The following CDC42BPA variants were observed in gnomAD, a reference collection of about 807,000 sequenced individuals.
The protein encoded by CDC42BPA is CDC42 binding protein kinase alpha, also known as serine/threonine-protein kinase MRCK alpha.
Under a neutral mutation model 223.5 loss-of-function variants are expected in CDC42BPA, and 80 were observed. That is an observed-to-expected ratio of 0.36 (90% CI 0.30 to 0.43). The LOEUF (loss-of-function observed/expected upper bound fraction) is 0.43. CDC42BPA is among the 20% of genes least tolerant of loss of function. CDC42BPA has a pLI of 1.00. For synonymous variants in CDC42BPA, 694 were observed against 718.6 expected (o/e 0.97, Z 0.55); for missense variants, 1,743 against 2,099.9 (o/e 0.83, Z 3.32).
At chr1:227,265,516 C>A (rs2148410446) in intron 1 of CDC42BPA, among the ~76,000 whole-genome samples, 1 of 152,102 alleles carries the variant, frequency 6.6e-6, no homozygotes. Flanking sequence ...GTAATCCTAG[C>A]TCCTCAGGAG....
intron 34 of CDC42BPA, among the ~76,000 whole-genome samples, chr1:227,006,181 T>C (rs374456925): frequency 2.0e-5 from 3 of 152,380 alleles, no homozygotes; most frequent in Middle Eastern, 3.4e-3. Flanking sequence ...CTGGATTTGA[T>C]TTCTTACAAT....
chr1:227,300,659 T>TG (rs946135507), intron 1 of CDC42BPA, among the ~76,000 whole-genome samples: 6 of 151,896 alleles, frequency 4.0e-5, no homozygotes, highest in African/African-American at 1.2e-4. Flanking sequence ...ATAATGGAGG[T>TG]GGAGACTCAG....
At chr1:227,248,727 G>GCA (rs147737036) in intron 2 of CDC42BPA, among the ~76,000 whole-genome samples, 9 of 149,588 alleles carry the variant, frequency 6.0e-5, no homozygotes, top group South Asian at 2.1e-4. Flanking sequence ...TGTGAGGTAT[G>GCA]CACACACACA....
intron 5 of CDC42BPA, among the ~76,000 whole-genome samples, chr1:227,190,885 G>A (rs1669593886): frequency 6.6e-6 from 1 of 152,010 alleles, no homozygotes; most frequent in South Asian, 2.1e-4. Flanking sequence ...GTGTGGTGGG[G>A]GGTTAAGACA....
At position 227,093,850 on chromosome 1, in the gene CDC42BPA, A is replaced by G. The variant is rs74617263; in HGVS notation, c.2250-1859T>C. Among the ~76,000 whole-genome samples the G allele has an allele frequency of 2.7e-3, 406 of 152,324 alleles. 3 individuals are homozygous for G. Among genetic ancestry groups the G allele is most frequent in the African/African-American group, 9.4e-3 (392 of 41,570 alleles). On this transcript the variant is annotated intron_variant, in intron 15 of 36. Transcript: ENST00000366766. ...TATTGGAACCTTCAGGCAGCAAAAG[A>G]CAGTGCTGAGAACTCTGAACTCTCG...
chr1:227,049,593 G>A (rs1650459967), intron 22 of CDC42BPA, among the ~76,000 whole-genome samples: 1 of 152,058 alleles, frequency 6.6e-6, no homozygotes, highest in Non-Finnish European at 1.5e-5. Flanking sequence ...AGGTCAAGAA[G>A]AAAAGGAAGA....
intron 2 of CDC42BPA, among the ~76,000 whole-genome samples, chr1:227,230,046 C>G (rs374764055): frequency 6.6e-6 from 1 of 152,116 alleles, no homozygotes; most frequent in South Asian, 2.1e-4. Flanking sequence ...CTTCAAGGAT[C>G]GAAACTGAAT....
At chr1:227,214,434 CAATT>C (rs952324549) in intron 2 of CDC42BPA, among the ~76,000 whole-genome samples, 1 of 152,058 alleles carries the variant, frequency 6.6e-6, no homozygotes, top group African/African-American at 2.4e-5. Context: ...CAATTTCAAA[CAATT>C]AAATTGTTCT....
At chr1:227,141,097 G>A (rs919422897) in intron 9 of CDC42BPA, among the ~76,000 whole-genome samples, 1 of 152,198 alleles carries the variant, frequency 6.6e-6, no homozygotes, top group African/African-American at 2.4e-5. Flanking sequence ...AAGCAAATAA[G>A]TAAGACTAGG....
intron 1 of CDC42BPA, chr1:227,264,671 T>A: frequency 1.7e-6 from 1 of 587,642 alleles, no homozygotes; most frequent in Middle Eastern, 4.8e-4. Flanking sequence ...GTTTTAAAAA[T>A]TTTTTAATTT....
At chr1:227,119,998 G>T in intron 11 of CDC42BPA, 61 bp from the exon 12 acceptor site, 2 of 1,394,002 alleles carry the variant, frequency 1.4e-6, no homozygotes, top group Non-Finnish European at 1.9e-6. Context: ...TTGAACCTAA[G>T]GTAAAACAAC....
At chr1:227,303,443 TC>T (rs1692012138) in intron 1 of CDC42BPA, among the ~76,000 whole-genome samples, 1 of 152,180 alleles carries the variant, frequency 6.6e-6, no homozygotes, top group Non-Finnish European at 1.5e-5. Flanking sequence ...TGTTGCCCAA[TC>T]CAGAAAACCT....
chr1:227,162,966 GTGTGTA>G (rs1394496154), intron 5 of CDC42BPA, among the ~76,000 whole-genome samples: 28 of 93,026 alleles, frequency 3.0e-4, no homozygotes, highest in African/African-American at 1.1e-3. Flanking sequence ...GTTTCCAAAC[GTGTGTA>G]TGTTTCCAAA....
At chr1:227,012,907 G>A (rs530557550) in intron 34 of CDC42BPA, among the ~76,000 whole-genome samples, 3 of 152,054 alleles carry the variant, frequency 2.0e-5, no homozygotes, top group South Asian at 2.1e-4. Flanking sequence ...AGATGGTTCC[G>A]GGCACAAAGT....
chr1:227,180,786 G>A (rs1667799511), intron 5 of CDC42BPA, among the ~76,000 whole-genome samples: 2 of 152,050 alleles, frequency 1.3e-5, no homozygotes, highest in Admixed American at 6.5e-5. Flanking sequence ...ATGAAACTTA[G>A]TTTTTCTTTC....
intron 2 of CDC42BPA, among the ~76,000 whole-genome samples, chr1:227,221,595 T>C (rs1176969284): frequency 6.5e-5 from 3 of 46,500 alleles, no homozygotes; most frequent in Non-Finnish European, 1.2e-4. Flanking sequence ...AACAGAAAAA[T>C]AATAGGCTTT....
At chr1:227,252,856 A>G (rs1422503433) in intron 2 of CDC42BPA, among the ~76,000 whole-genome samples, 1 of 152,234 alleles carries the variant, frequency 6.6e-6, no homozygotes, top group Non-Finnish European at 1.5e-5. Flanking sequence ...TGAAAAGTAT[A>G]ACAAGGTATA....
chr1:227,035,418 A>T (rs1670034616), intron 25 of CDC42BPA, 53 bp downstream of exon 25: 2 of 1,376,076 alleles, frequency 1.5e-6, no homozygotes. Context: ...TTTGATTTTA[A>T]TTCATTAATA....
At position 227,112,731 on chromosome 1, in the gene CDC42BPA, C is replaced by T; in HGVS notation, c.1830G>A (p.Val610=). ...GCCTTAAGCTTTCAACTTTTTGCAT[C>T]ACCAGGTCCACCTCTTCTTCCTTAT... ...VRDKEEEVDL[V]MQKVESLRQE... is the part of the protein sequence containing the mutation. Residue 610 remains valine (V), a synonymous_variant, in exon 13 of 37, where the codon GTG becomes GTA. Transcript: ENST00000366766. The T allele has an allele frequency of 6.2e-7, 1 of 1,614,080 alleles. No homozygotes were observed. Among genetic ancestry groups the T allele is most frequent in the East Asian group, 2.2e-5 (1 of 44,872 alleles).
Sources: gnomAD v4.1 joint callset for allele counts (sites outside exome capture counted in the v4.1 genomes callset) on GRCh38, gnomAD v4.1.1 for gene constraint, MANE v1.5 for transcripts, NCBI Gene and HGNC (gene_info 2026-07-23, HGNC 2026-07-21) for gene names.